CDK6: variants seen among roughly 807,000 people sequenced by gnomAD.
CDK6 encodes cyclin dependent kinase 6.
A neutral mutation model predicts 37.1 loss-of-function variants in CDK6; 6 were observed. The observed-to-expected ratio is 0.16, with a 90% confidence interval of 0.09 to 0.32. CDK6 has a LOEUF of 0.32. Ranked by LOEUF, CDK6 falls within the 10% of genes least tolerant of loss-of-function variation. CDK6 has a pLI of 1.00. For synonymous variants in CDK6, 160 were observed against 161.3 expected, an observed-to-expected ratio of 0.99 and a Z score of 0.06; for missense variants, 224 against 418.9, an observed-to-expected ratio of 0.53 and a Z score of 4.06.
At chr7:92,719,277 C>T (rs746082380) in intron 4 of CDK6, among the ~76,000 whole-genome samples, 1 of 152,114 alleles carries the variant, frequency 6.6e-6, no homozygotes, top group Non-Finnish European at 1.5e-5. Flanking sequence ...CTTCCTGATG[C>T]TTTCCCTGGC....
chr7:92,763,451 A>G (rs1044142190), intron 3 of CDK6, among the ~76,000 whole-genome samples: 9 of 152,254 alleles, frequency 5.9e-5, no homozygotes, highest in South Asian at 2.1e-4. Flanking sequence ...TCAAAGGTCA[A>G]ATCATGAATG....
chr7:92,733,100 A>G (rs1798691041), intron 3 of CDK6, among the ~76,000 whole-genome samples: 3 of 152,226 alleles, frequency 2.0e-5, no homozygotes, highest in Admixed American at 6.5e-5. Context: ...TAAATATGTT[A>G]TGAACATTAT....
chr7:92,814,886 T>C (rs1471740930), intron 2 of CDK6, among the ~76,000 whole-genome samples: 1 of 151,820 alleles, frequency 6.6e-6, no homozygotes, highest in Non-Finnish European at 1.5e-5. Flanking sequence ...ACCCCTTCAT[T>C]TCAAAATCAT....
chr7:92,775,445 CT>C (rs941706795), intron 2 of CDK6, among the ~76,000 whole-genome samples: 2 of 152,034 alleles, frequency 1.3e-5, no homozygotes, highest in Admixed American at 6.6e-5. Context: ...AAAATTTAAA[CT>C]TTTTTTTCAG....
At chr7:92,784,122 T>C (rs181590965) in intron 2 of CDK6, among the ~76,000 whole-genome samples, 1 of 152,006 alleles carries the variant, frequency 6.6e-6, no homozygotes, top group East Asian at 1.9e-4. Context: ...AGGCATATCA[T>C]AAAATGCGAT....
chr7:92,684,924 C>T (rs1480690801), intron 4 of CDK6, among the ~76,000 whole-genome samples: 2 of 151,834 alleles, frequency 1.3e-5, no homozygotes, highest in Non-Finnish European at 2.9e-5. Flanking sequence ...TGTATGGACT[C>T]GACGACATTA....
intron 5 of CDK6, among the ~76,000 whole-genome samples, chr7:92,654,762 C>G (rs1168853037): frequency 6.6e-6 from 1 of 152,086 alleles, no homozygotes; most frequent in African/African-American, 2.4e-5. Flanking sequence ...CCTTGTGTTT[C>G]TGAAACAAGG....
intron 3 of CDK6, among the ~76,000 whole-genome samples, chr7:92,750,138 A>G (rs1799155077): frequency 6.6e-6 from 1 of 152,216 alleles, no homozygotes; most frequent in African/African-American, 2.4e-5. Flanking sequence ...TTATTCTAGG[A>G]AATAATTCTA....
At chr7:92,662,850 G>A (rs117189338) in intron 5 of CDK6, among the ~76,000 whole-genome samples, 3 of 152,288 alleles carry the variant, frequency 2.0e-5, no homozygotes, top group East Asian at 3.9e-4. Context: ...AGGCTTTGGC[G>A]GAACTGTGCC....
intron 3 of CDK6, among the ~76,000 whole-genome samples, chr7:92,749,197 TA>T (rs75300713): frequency 0.033 from 2,727 of 82,700 alleles, 24 homozygotes; most frequent in Non-Finnish European, 0.045. Flanking sequence ...AGACTCTGCC[TA>T]AAAAAAAAAA....
intron 4 of CDK6, among the ~76,000 whole-genome samples, chr7:92,700,556 G>A (rs1338639536): frequency 6.6e-6 from 1 of 152,198 alleles, no homozygotes; most frequent in East Asian, 1.9e-4. Flanking sequence ...GACCCAGAAG[G>A]GAATGACTGG....
At chr7:92,762,669 G>A (rs1226519740) in intron 3 of CDK6, among the ~76,000 whole-genome samples, 2 of 151,048 alleles carry the variant, frequency 1.3e-5, no homozygotes, top group East Asian at 3.9e-4. Context: ...CCGGATTCAA[G>A]CAATTCTCCT....
At chr7:92,710,016 G>A (rs1429092001) in intron 4 of CDK6, among the ~76,000 whole-genome samples, 1 of 152,158 alleles carries the variant, frequency 6.6e-6, no homozygotes, top group Non-Finnish European at 1.5e-5. Flanking sequence ...GAATATATCA[G>A]TGCGCCTCTG....
At chr7:92,779,775 T>C (rs997933984) in intron 2 of CDK6, among the ~76,000 whole-genome samples, 6 of 152,204 alleles carry the variant, frequency 3.9e-5, no homozygotes, top group African/African-American at 1.4e-4. Context: ...TTAGTAAACA[T>C]TGTACTAAAA....
intron 3 of CDK6, among the ~76,000 whole-genome samples, chr7:92,761,181 A>C (rs147844932): frequency 1.7e-4 from 26 of 152,140 alleles, no homozygotes; most frequent in African/African-American, 3.9e-4. Context: ...TGCATGAATC[A>C]TTTCCTTTGC....
chr7:92,683,160 A>G (rs1444812662), intron 4 of CDK6, among the ~76,000 whole-genome samples: 1 of 151,712 alleles, frequency 6.6e-6, no homozygotes, highest in Non-Finnish European at 1.5e-5. Flanking sequence ...AACACAGGAT[A>G]TGGCAGGCTG....
intron 4 of CDK6, among the ~76,000 whole-genome samples, chr7:92,715,533 G>C (rs1798211075): frequency 6.6e-6 from 1 of 152,148 alleles, no homozygotes; most frequent in Non-Finnish European, 1.5e-5. Flanking sequence ...TATCCTTGTA[G>C]ATAGATGCTG....
intron 2 of CDK6, among the ~76,000 whole-genome samples, chr7:92,824,270 C>A (rs1801255245): frequency 6.6e-6 from 1 of 151,902 alleles, no homozygotes; most frequent in African/African-American, 2.4e-5. Flanking sequence ...ATAAGTCAGT[C>A]ACGCCATAGG....
intron 4 of CDK6, among the ~76,000 whole-genome samples, chr7:92,681,255 G>A: frequency 6.6e-6 from 1 of 152,176 alleles, no homozygotes; most frequent in Admixed American, 6.5e-5. Flanking sequence ...CAGGGAAAAT[G>A]AGCTGAATGG....
Sources: allele counts gnomAD v4.1 joint callset (sites outside exome capture counted in the v4.1 genomes callset), GRCh38; gene constraint gnomAD v4.1.1; transcripts MANE v1.5; gene names NCBI Gene and HGNC (gene_info 2026-07-23, HGNC 2026-07-21).